Variants in ZSWIM8 observed in about 807,000 individuals in gnomAD.
The protein encoded by ZSWIM8 is zinc finger SWIM-type containing 8.
Under a neutral mutation model 173.7 loss-of-function variants are expected in ZSWIM8, and 27 were observed. The observed-to-expected ratio is 0.16, with a 90% confidence interval of 0.11 to 0.21. The LOEUF (loss-of-function observed/expected upper bound fraction) is 0.21. Ranked by LOEUF, ZSWIM8 falls within the 10% of genes least tolerant of loss-of-function variation. ZSWIM8 has a pLI of 1.00. For synonymous variants in ZSWIM8, 958 were observed against 962.0 expected (o/e 1.00, Z 0.08); for missense variants, 1,627 against 2,428.8 (o/e 0.67, Z 6.94).
chr10:73,795,512 A>T lies in ZSWIM8; in HGVS notation c.2909-27A>T. ...GTCTTGGGAATTATGACTACTCTCAATCCCCATAAGGTCCTCTTTCTCGCA... is the reference window on the plus strand; with the variant it reads ...GTCTTGGGAATTATGACTACTCTCATTCCCCATAAGGTCCTCTTTCTCGCA... On this transcript the variant is annotated intron_variant, in intron 14 of 25. Coordinates refer to ENST00000604729, the MANE Select transcript of ZSWIM8 (RefSeq NM_001367799.1). 8.7e-6 allele frequency: 14 copies of T among 1,612,932 alleles called. No homozygotes were observed. The highest frequency in any genetic ancestry group is 1.2e-5 in the Non-Finnish European group (14 of 1,179,248).
chr10:73,794,496 T>C (rs376377321), intron 13 of ZSWIM8, 45 bp from the exon 14 acceptor site: 4 of 1,568,322 alleles, frequency 2.6e-6, no homozygotes, highest in Middle Eastern at 1.7e-4. Context: ...TTTTTTCCCA[T>C]GCATGATACT....
chr10:73,795,867 G>T (rs897494144), intron 15 of ZSWIM8, among the ~76,000 whole-genome samples: 1 of 151,676 alleles, frequency 6.6e-6, no homozygotes, highest in African/African-American at 2.4e-5. Context: ...GGAGGCTGAG[G>T]TGGGAGGATT....
chr10:73,801,169 C>A lies in ZSWIM8; in HGVS notation c.5275C>A (p.Gln1759Lys). Residue 1759 changes from glutamine to lysine, a missense_variant, in exon 25 of 26, where the codon CAG becomes AAG. By Grantham distance (53) the Gln-to-Lys change is moderately conservative (BLOSUM62 1). Around this residue, in one of 18 missense-constraint regions of ZSWIM8, gnomAD observed 122 missense variants for 196.1 expected, o/e 0.62. Transcript: ENST00000604729. This position sits in a 1 kb window ranked among gnomAD's most constrained non-coding sequence, Gnocchi z 4.9. ...TGCCCCGGCCTTCCACCAACTGGTG[C>A]AGCGCTGCCAGCAGGCATACATGCA... ...LRAPAFHQLV[Q>K]RCQQAYMQYI... is the part of the protein sequence containing the mutation. 6.3e-7 allele frequency: 1 copy of A among 1,598,110 alleles called. No homozygotes were observed. Among genetic ancestry groups the A allele is most frequent in the Non-Finnish European group, 8.5e-7 (1 of 1,172,692 alleles).
In ZSWIM8 at chr10:73,795,407, A is replaced by G. The variant is rs939012105; in HGVS notation, c.2909-132A>G. ...GATATAATAGTCAACGAAGACTTCT[A>G]TAGGTGATGTGGGTTGGACCAAGGG... is the stretch of plus-strand genomic sequence containing the variant. On this transcript the variant is annotated intron_variant, in intron 14 of 25. Transcript: ENST00000604729. The G allele has an allele frequency of 3.6e-6, 5 of 1,386,928 alleles. 1 individual carries two copies. The Admixed American group carries it at 1.1e-4, about 30-fold the overall frequency. The allele number at this position is 1,386,928 out of a possible 1,614,324, so 85.9% of individuals were successfully genotyped here.
chr10:73,792,915 G>A lies in ZSWIM8; in HGVS notation c.2313+63G>A. ...AGCCACAACTGGGAGGGGCTATCTA[G>A]CTCTAGTTGGGAGTGTCAGGACCAT... On this transcript the variant is annotated intron_variant, in intron 10 of 25. Coordinates refer to ENST00000604729, the MANE Select transcript of ZSWIM8 (RefSeq NM_001367799.1). The surrounding 1 kb of genome is among the most constrained non-coding windows in gnomAD (Gnocchi z 4.3). The A allele has an allele frequency of 2.7e-6, 4 of 1,494,040 alleles. No homozygotes were observed. Among genetic ancestry groups the A allele is most frequent in the Non-Finnish European group, 3.5e-6 (4 of 1,127,142 alleles). 92.5% of individuals were successfully genotyped at this position (1,494,040 alleles called of 1,614,324 possible).
At position 73,801,765 on chromosome 10, in the gene ZSWIM8, AT is replaced by A; in HGVS notation, c.*247del. On this transcript the variant is annotated 3_prime_UTR_variant, in exon 26 of 26. Transcript: ENST00000604729. This position sits in a 1 kb window ranked among gnomAD's most constrained non-coding sequence, Gnocchi z 4.9. ...GGCCTCTGGTATTTATTTGGCATTT[AT>A]AAATATATAAACTCCTTTTTTACTC... 6.7e-7 allele frequency: 1 copy of A among 1,487,836 alleles called. No homozygotes were observed. The highest frequency in any genetic ancestry group is 8.9e-7 in the Non-Finnish European group (1 of 1,121,230). 92.2% of individuals were successfully genotyped at this position (1,487,836 alleles called of 1,614,324 possible). A position where few individuals can be genotyped will look rare whatever the true frequency, so the allele number is the denominator to read the frequency against.
rs1274302037 is a variant in ZSWIM8, at chr10:73,799,091, T to G, written c.4266T>G (p.Ala1422=). 6.2e-7 allele frequency: 1 copy of G among 1,613,882 alleles called. No homozygotes were observed. Among genetic ancestry groups the G allele is most frequent in the East Asian group, 2.2e-5 (1 of 44,884 alleles). The change falls in exon 21 of 26, where the codon GCT becomes GCG. Residue 1422 remains alanine, a synonymous_variant. Transcript: ENST00000604729. ...GVYPEVLFEV[A]HQWFWLYEQT... ...ACCCTGAAGTGTTGTTTGAGGTTGC[T>G]CACCAGTGGTTCTGGCTGTATGAGC...
Position 73,801,683 on chromosome 10 carries a change from A to C in ZSWIM8, c.*164A>C. On this transcript the variant is annotated 3_prime_UTR_variant, in exon 26 of 26. Coordinates refer to ENST00000604729, the MANE Select transcript of ZSWIM8 (RefSeq NM_001367799.1). The surrounding 1 kb of genome is among the most constrained non-coding windows in gnomAD (Gnocchi z 4.9). The stretch of plus-strand genomic sequence containing the variant: ...CTATAGCTTGGGGCCAAGATGTCTC[A>C]CACCCTAGAAGCCTAGGGCTGGGGG... 2 of 1,534,152 alleles carry C rather than the reference A, an allele frequency of 1.3e-6. No individual in the cohort carries two copies. The highest frequency in any genetic ancestry group is 1.7e-6 in the Non-Finnish European group (2 of 1,146,180).
At chr10:73,799,704 G>A (rs1265157148) in intron 21 of ZSWIM8, 2 of 706,388 alleles carry the variant, frequency 2.8e-6, no homozygotes, top group African/African-American at 3.6e-5. Context: ...GCCGATGTGG[G>A]TGGATCACTT....
chr10:73,787,725 C>G lies in ZSWIM8; in HGVS notation c.209-945C>G, dbSNP rs902437758. ...AAGATTCGCTGGGTGTGTTGGCACC[C>G]GCTTGTAATCTCAGCTACTTGGGAG... On this transcript the variant is annotated intron_variant, in intron 1 of 25. Transcript: ENST00000604729. 2.0e-5 allele frequency among the ~76,000 whole-genome samples: 3 copies of G among 152,110 alleles called. No individual in the cohort carries two copies. In the East Asian group the frequency reaches 5.8e-4, roughly 29 times the overall value.
At chr10:73,790,316 G>A (rs755935583) in intron 7 of ZSWIM8, 24 bp downstream of exon 7, 1 of 1,572,838 alleles carries the variant, frequency 6.4e-7, no homozygotes, top group South Asian at 1.2e-5. Flanking sequence ...CTGCATACCT[G>A]TGTCTGTGGT....
At position 73,795,528 on chromosome 10, in the gene ZSWIM8, C is replaced by T; in HGVS notation, c.2909-11C>T. 6.2e-7 allele frequency: 1 copy of T among 1,613,752 alleles called. No homozygotes were observed. Among genetic ancestry groups the T allele is most frequent in the Non-Finnish European group, 8.5e-7 (1 of 1,179,738 alleles). ...CTACTCTCAATCCCCATAAGGTCCT[C>T]TTTCTCGCAGGCATGAAGACAACAG... On this transcript the variant is annotated splice_polypyrimidine_tract_variant and intron_variant, in intron 14 of 25. Coordinates refer to ENST00000604729, the MANE Select transcript of ZSWIM8 (RefSeq NM_001367799.1).
intron 2 of ZSWIM8, 63 bp downstream of exon 2, chr10:73,788,886 T>C: frequency 6.3e-7 from 1 of 1,595,890 alleles, no homozygotes; most frequent in Non-Finnish European, 8.5e-7. Context: ...CTGCTGGGTT[T>C]CCCATAGAAC....
Position 73,791,216 on chromosome 10 carries a change from C to T in ZSWIM8, c.1143+40C>T, listed in dbSNP as rs1025793674. On this transcript the variant is annotated intron_variant, in intron 8 of 25. Coordinates refer to ENST00000604729, the MANE Select transcript of ZSWIM8 (RefSeq NM_001367799.1). The surrounding 1 kb of genome is among the most constrained non-coding windows in gnomAD (Gnocchi z 6.0). Reference sequence around the variant, plus strand: ...TTGGGGAGCCCCGTGGTAGCTCATTCTTTCCCTCCCCCTGCCTCATCCTCC... The same window carrying T: ...TTGGGGAGCCCCGTGGTAGCTCATTTTTTCCCTCCCCCTGCCTCATCCTCC... 4 of 1,570,136 alleles carry T rather than the reference C, an allele frequency of 2.5e-6. No individual in the cohort carries two copies. The highest frequency in any genetic ancestry group is 3.5e-6 in the Non-Finnish European group (4 of 1,152,166).
Position 73,792,035 on chromosome 10 carries a change from G to A in ZSWIM8, c.1496G>A (p.Gly499Asp). The A allele has an allele frequency of 6.5e-7, 1 of 1,548,208 alleles. No individual in the cohort carries two copies. The highest frequency in any genetic ancestry group is 1.2e-5 in the South Asian group (1 of 83,994). ...AYPLPGVTYS[G>D]TDRKLALCWA... ...CCACTTCCTGGTGTCACCTACAGCG[G>A]CACTGACAGGAAGCTGGCACTGTGC... Residue 499 changes from glycine to aspartate, a missense_variant, in exon 10 of 26, where the codon GGC becomes GAC. Around this residue, in one of 18 missense-constraint regions of ZSWIM8, gnomAD observed 383 missense variants for 394.8 expected, o/e 0.97. Coordinates refer to ENST00000604729, the MANE Select transcript of ZSWIM8 (RefSeq NM_001367799.1). The surrounding 1 kb of genome is among the most constrained non-coding windows in gnomAD (Gnocchi z 4.3).
rs985672449 is a variant in ZSWIM8, at chr10:73,801,411, C to T, written c.5397C>T (p.Pro1799=). The change falls in exon 26 of 26, where the codon CCC becomes CCT. Residue 1799 remains proline, a synonymous_variant. Transcript: ENST00000604729. This position sits in a 1 kb window ranked among gnomAD's most constrained non-coding sequence, Gnocchi z 4.9. ...CCCGCAGCGCCTTCTGCCTGACGCCCATGGGCATGATGCAGTTCAACGACA... is the reference window on the plus strand; with the variant it reads ...CCCGCAGCGCCTTCTGCCTGACGCCTATGGGCATGATGCAGTTCAACGACA... ...RSARSAFCLT[P]MGMMQFNDIL... The T allele has an allele frequency of 5.6e-6, 9 of 1,613,888 alleles. No individual in the cohort carries two copies. The highest frequency in any genetic ancestry group is 2.7e-5 in the African/African-American group (2 of 74,930).
At position 73,797,994 on chromosome 10, in the gene ZSWIM8, T is replaced by C. The variant is rs775304557; in HGVS notation, c.3876T>C (p.Tyr1292=). The C allele has an allele frequency of 7.4e-6, 12 of 1,613,970 alleles. No individual in the cohort carries two copies. The African/African-American group carries it at 1.5e-4, about 20-fold the overall frequency. Residue 1292 remains tyrosine (Y), a synonymous_variant, in exon 19 of 26, where the codon TAT becomes TAC. Coordinates refer to ENST00000604729, the MANE Select transcript of ZSWIM8 (RefSeq NM_001367799.1). This position sits in a 1 kb window ranked among gnomAD's most constrained non-coding sequence, Gnocchi z 5.6. ...LHLCAFEIGL[Y]ALGLHNFVSP... is the part of the protein sequence containing the mutation. The stretch of plus-strand genomic sequence containing the variant: ...TTTGCGCCTTCGAGATTGGGCTTTA[T>C]GCCCTTGGCCTGCACAACTTTGTTT...
In ZSWIM8 at chr10:73,792,115, G is replaced by A; in HGVS notation, c.1576G>A (p.Glu526Lys). The change falls in exon 10 of 26, where the codon GAA (glutamate) becomes AAA (lysine). Residue 526 changes from glutamate to lysine, a missense_variant. By Grantham distance (56) the Glu-to-Lys change is moderately conservative (BLOSUM62 1). Coordinates refer to ENST00000604729, the MANE Select transcript of ZSWIM8 (RefSeq NM_001367799.1). The surrounding 1 kb of genome is among the most constrained non-coding windows in gnomAD (Gnocchi z 4.3). ...PGASRSGGLE[E>K]SRDRPRPLPT... The stretch of plus-strand genomic sequence containing the variant: ...TGCCTCCCGCTCTGGGGGCCTGGAG[G>A]AATCCCGGGACCGGCCCCGACCCCT... 1 of 1,531,564 alleles carries A rather than the reference G, an allele frequency of 6.5e-7. No homozygotes were observed. The highest frequency in any genetic ancestry group is 8.8e-7 in the Non-Finnish European group (1 of 1,135,614). The allele number at this position is 1,531,564 out of a possible 1,614,324, so 94.9% of individuals were successfully genotyped here.
intron 7 of ZSWIM8, among the ~76,000 whole-genome samples, 182 bp downstream of exon 7, chr10:73,790,474 A>G (rs1215505351): frequency 6.6e-6 from 1 of 152,230 alleles, no homozygotes; most frequent in East Asian, 1.9e-4. Flanking sequence ...GTACAGTCAC[A>G]GAGTGGTCTG....
Sources: allele counts gnomAD v4.1 joint callset (sites outside exome capture counted in the v4.1 genomes callset), GRCh38; gene constraint gnomAD v4.1.1; regional missense constraint gnomAD v4.1.1; non-coding constraint Gnocchi (gnomAD v3.1); transcripts MANE v1.5; gene names NCBI Gene and HGNC (gene_info 2026-07-23, HGNC 2026-07-21).